Variants in RASAL1 observed in about 807,000 individuals in gnomAD.
The protein encoded by RASAL1 is RAS protein activator like 1, also known as rasGAP-activating-like protein 1.
In RASAL1, 72 loss-of-function variants were observed where a neutral mutation model predicts 96.6. That is an observed-to-expected ratio of 0.75 (90% confidence interval 0.62 to 0.91). The LOEUF (loss-of-function observed/expected upper bound fraction) is 0.91. Ranked by LOEUF, RASAL1 falls within the 40% of genes least tolerant of loss-of-function variation. The probability of loss-of-function intolerance (pLI) is 0.00; values close to 1 mark genes in which losing one functional copy is unlikely to be tolerated. For synonymous variants in RASAL1, 405 were observed against 430.4 expected, an observed-to-expected ratio of 0.94 and a Z score of 0.73; for missense variants, 1,016 against 1,072.5, an observed-to-expected ratio of 0.95 and a Z score of 0.74.
At position 113,105,855 on chromosome 12, in the gene RASAL1, C is replaced by T. The variant is rs201231208; in HGVS notation, c.1689G>A (p.Pro563=). 47 of 1,613,862 alleles carry T rather than the reference C, an allele frequency of 2.9e-5. No homozygotes were observed. The African/African-American group carries it at 3.5e-4, about 12-fold the overall frequency. ...AGCCTTCTCGAACAATGGCCGAGGG[C>T]GGGAACAGGGCCCTGGCTGGGACAC... ...EAGVPARALF[P]PSAIVREGYL... The change falls in exon 16 of 21, where the codon CCG becomes CCA. Residue 563 remains proline (P), a synonymous_variant. Coordinates refer to ENST00000548055, the MANE Select transcript of RASAL1 (RefSeq NM_001301202.2).
chr12:113,107,236 C>T lies in RASAL1; in HGVS notation c.1518G>A (p.Val506=). Residue 506 remains valine, a synonymous_variant, in exon 15 of 21, where the codon GTG becomes GTA. Transcript: ENST00000548055. ...GCTGGCCCAGGTTTCCAATGCTCTG[C>T]ACAGCCTGGAGCAAAGAAGCGAGGG... ...SRSLLLLAKA[V]QSIGNLGQQL... 1 of 1,605,340 alleles carries T rather than the reference C, an allele frequency of 6.2e-7. No homozygotes were observed. Among genetic ancestry groups the T allele is most frequent in the Non-Finnish European group, 8.5e-7 (1 of 1,175,386 alleles).
intron 12 of RASAL1, among the ~76,000 whole-genome samples, chr12:113,113,914 A>G (rs1194845923): frequency 6.6e-6 from 1 of 152,146 alleles, no homozygotes; most frequent in Non-Finnish European, 1.5e-5. Flanking sequence ...GACCGCCAAC[A>G]CCACAATAAT....
chr12:113,110,105 C>T (rs985286913), intron 13 of RASAL1, among the ~76,000 whole-genome samples: 1 of 152,188 alleles, frequency 6.6e-6, no homozygotes, highest in African/African-American at 2.4e-5. Context: ...AGCTGTGCCC[C>T]ACTTAACACC....
intron 12 of RASAL1, among the ~76,000 whole-genome samples, chr12:113,114,226 A>G (rs577069356): frequency 1.3e-5 from 2 of 152,278 alleles, no homozygotes; most frequent in African/African-American, 4.8e-5. Context: ...TAATCCCAGC[A>G]CTTCGGGAGA....
intron 13 of RASAL1, among the ~76,000 whole-genome samples, chr12:113,110,387 A>G (rs1950823815): frequency 6.6e-6 from 1 of 152,228 alleles, no homozygotes; most frequent in Non-Finnish European, 1.5e-5. Flanking sequence ...CCAAAATGTA[A>G]CAGGTCTTAG....
chr12:113,116,131 A>G (rs2136186044), intron 8 of RASAL1, 80 bp from the exon 9 acceptor site: 1 of 1,246,774 alleles, frequency 8.0e-7, no homozygotes, highest in East Asian at 2.6e-5. Context: ...GCATTTTGGG[A>G]GGCCAAGGTG....
At chr12:113,121,975 G>T (rs1951312262) in intron 4 of RASAL1, among the ~76,000 whole-genome samples, 1 of 152,052 alleles carries the variant, frequency 6.6e-6, no homozygotes. Flanking sequence ...CACCCACCTT[G>T]GCCTCCCAAA....
intron 4 of RASAL1, among the ~76,000 whole-genome samples, chr12:113,126,092 C>G (rs1951470485): frequency 6.6e-6 from 1 of 150,562 alleles, no homozygotes; most frequent in Non-Finnish European, 1.5e-5. Flanking sequence ...CGAGACCAGC[C>G]CGGCCAACAT....
At chr12:113,103,270 TTATACATTGTA>T (rs1366934129) in intron 18 of RASAL1, among the ~76,000 whole-genome samples, 4 of 150,476 alleles carry the variant, frequency 2.7e-5, no homozygotes, top group African/African-American at 7.3e-5. Context: ...TAATACATTG[TTATACATTGTA>T]TATACATTGT....
At chr12:113,128,459 C>A (rs546380041) in intron 2 of RASAL1, among the ~76,000 whole-genome samples, 1 of 150,876 alleles carries the variant, frequency 6.6e-6, no homozygotes, top group African/African-American at 2.4e-5. Flanking sequence ...CACTCACATA[C>A]CCAGAGTATC....
Position 113,121,556 on chromosome 12 carries a change from C to T in RASAL1, c.381G>A (p.Leu127=), listed in dbSNP as rs745617221. 2.5e-6 allele frequency: 4 copies of T among 1,614,216 alleles called. No individual in the cohort carries two copies. The highest frequency in any genetic ancestry group is 3.3e-5 in the Admixed American group (2 of 60,030). Reference sequence around the variant, plus strand: ...GAAGGCAGCGGCCCTGCCCATCCTCCAGCATCTGCACTGACAGGCAGATCT... The same window carrying T: ...GAAGGCAGCGGCCCTGCCCATCCTCTAGCATCTGCACTGACAGGCAGATCT... ...QGEICLSVQM[L]EDGQGRCLRC... is the part of the protein sequence containing the mutation. Residue 127 remains leucine, a synonymous_variant, in exon 5 of 21, where the codon CTG becomes CTA. Transcript: ENST00000548055.
At chr12:113,110,351 G>C (rs973218570) in intron 13 of RASAL1, among the ~76,000 whole-genome samples, 2 of 152,214 alleles carry the variant, frequency 1.3e-5, no homozygotes, top group African/African-American at 4.8e-5. Context: ...CTCAAATGAG[G>C]CTGTAGGAAG....
chr12:113,127,822 G>A lies in RASAL1; in HGVS notation c.288C>T (p.Ala96=), dbSNP rs113002402. Reference sequence around the variant, plus strand: ...ATGTCCCTCGCCCACCTCGGGGGTCGGCTGTAATCGCCTCCCTGCTCAGCG... The same window carrying A: ...ATGTCCCTCGCCCACCTCGGGGGTCAGCTGTAATCGCCTCCCTGCTCAGCG... ...KISLSREAIT[A]DPRGIDSWIN... is the part of the protein sequence containing the mutation. The change falls in exon 4 of 21, where the codon GCC becomes GCT. Residue 96 remains alanine, a synonymous_variant. Transcript: ENST00000548055. 1.0e-4 allele frequency: 166 copies of A among 1,611,838 alleles called. 8 individuals are homozygous for A. In the African/African-American group the frequency reaches 1.2e-3, roughly 11 times the overall value.
At chr12:113,119,499 A>G (rs1222362625) in intron 5 of RASAL1, 56 bp from the exon 6 acceptor site, 17 of 1,488,736 alleles carry the variant, frequency 1.1e-5, no homozygotes, top group Non-Finnish European at 1.6e-5. Flanking sequence ...TGGGCCTTGG[A>G]AAGGCTGTTA....
At chr12:113,125,138 T>A (rs1016413345) in intron 4 of RASAL1, among the ~76,000 whole-genome samples, 3 of 152,048 alleles carry the variant, frequency 2.0e-5, no homozygotes, top group African/African-American at 7.2e-5. Context: ...TGTGTGTGTG[T>A]TTGTGTATGT....
At chr12:113,125,816 T>C (rs1217096687) in intron 4 of RASAL1, among the ~76,000 whole-genome samples, 1 of 152,200 alleles carries the variant, frequency 6.6e-6, no homozygotes, top group Non-Finnish European at 1.5e-5. Flanking sequence ...TATTGTAGCA[T>C]TGCTTGAACC....
intron 5 of RASAL1, 48 bp downstream of exon 5, chr12:113,121,461 C>T (rs1188410597): frequency 9.3e-6 from 15 of 1,609,674 alleles, no homozygotes; most frequent in Non-Finnish European, 1.3e-5. Context: ...CAGGGGACTC[C>T]TGCTCATTCT....
At position 113,122,717 on chromosome 12, in the gene RASAL1, G is replaced by C. The variant is rs1951343368; in HGVS notation, c.299-1079C>G. ...GATACAGATTTTTTAAAATCCTGCT[G>C]AGTAGAGATTGCACTGCTTCTATTT... On this transcript the variant is annotated intron_variant, in intron 4 of 20. Transcript: ENST00000548055. 2.0e-5 allele frequency among the ~76,000 whole-genome samples: 3 copies of C among 152,300 alleles called. No homozygotes were observed. The South Asian group carries it at 6.2e-4, about 32-fold the overall frequency.
intron 5 of RASAL1, among the ~76,000 whole-genome samples, chr12:113,120,695 A>G (rs1951262795): frequency 6.6e-6 from 1 of 152,160 alleles, no homozygotes; most frequent in South Asian, 2.1e-4. Flanking sequence ...AGTAGGCAAG[A>G]GGGAAGATGG....
Sources: allele counts gnomAD v4.1 joint callset (sites outside exome capture counted in the v4.1 genomes callset), GRCh38; gene constraint gnomAD v4.1.1; transcripts MANE v1.5; gene names NCBI Gene and HGNC (gene_info 2026-07-23, HGNC 2026-07-21).